Variants in PGBD1 observed in about 807,000 individuals in gnomAD.
PGBD1 encodes piggyBac transposable element derived 1.
Under a neutral mutation model 34.7 loss-of-function variants are expected in PGBD1, and 25 were observed. The ratio of observed to expected loss-of-function variants is 0.72; its 90% CI spans 0.52 to 1.00. The LOEUF (loss-of-function observed/expected upper bound fraction) is 1.00, where lower values mean the gene tolerates loss of function less well. Among genes scored for constraint, PGBD1 ranks in the 50% least tolerant of loss-of-function variants. The pLI is 0.00. For missense variants in PGBD1, 830 were observed against 959.4 expected, an observed-to-expected ratio of 0.87 and a Z score of 1.78; for synonymous variants, 292 against 335.7, an observed-to-expected ratio of 0.87 and a Z score of 1.42.
rs1762791667 is a variant in PGBD1 at position 28,300,478 on chromosome 6, C to T, written c.870-246C>T. On this transcript the variant is annotated intron_variant, in intron 6 of 6. Transcript: ENST00000682144. The surrounding 1 kb of genome is among the most constrained non-coding windows in gnomAD (Gnocchi z 4.0). ...AAAGAGGACAGAGGGAGGAGTGTACCAAGGATACTCAGTTATTTCTCCCAG... is the reference window on the plus strand; with the variant it reads ...AAAGAGGACAGAGGGAGGAGTGTACTAAGGATACTCAGTTATTTCTCCCAG... Among the ~76,000 whole-genome samples the T allele has an allele frequency of 6.6e-6, 1 of 152,090 alleles. No homozygotes were observed. The highest frequency in any genetic ancestry group is 1.5e-5 in the Non-Finnish European group (1 of 68,016).
chr6:28,298,703 A>G (rs1320015097), intron 6 of PGBD1, among the ~76,000 whole-genome samples: 2 of 152,138 alleles, frequency 1.3e-5, no homozygotes, highest in Non-Finnish European at 2.9e-5. Flanking sequence ...TGTGTGCTTC[A>G]TAAGTGCTGG....
Position 28,302,014 on chromosome 6 carries a change from C to T in PGBD1, c.2160C>T (p.Ile720=), listed in dbSNP as rs199791488. ...GTTGTGATGCTGATAACGAAGAAAT[C>T]CCTCAGATAAGTCAACCATCCATAG... The part of the protein sequence containing the change: ...VSCCDADNEE[I]PQISQPSIVK... The change falls in exon 7 of 7, where the codon ATC becomes ATT. Residue 720 remains isoleucine, a synonymous_variant. Coordinates refer to ENST00000682144, the MANE Select transcript of PGBD1 (RefSeq NM_032507.4). 1.2e-6 allele frequency: 2 copies of T among 1,614,040 alleles called. No individual in the cohort carries two copies. The highest frequency in any genetic ancestry group is 1.7e-6 in the Non-Finnish European group (2 of 1,180,000).
rs756584844 is a variant in PGBD1 at position 28,300,795 on chromosome 6, T to C, written c.941T>C (p.Leu314Pro). ...TERTVAHLNT[L>P]KDRHPGDLWA... Reference sequence around the variant, plus strand: ...AGGACAGTTGCACATTTGAACACTCTGAAGGACCGTCACCCAGGTGATTTG... The same window carrying C: ...AGGACAGTTGCACATTTGAACACTCCGAAGGACCGTCACCCAGGTGATTTG... Residue 314 changes from leucine to proline, a missense_variant, in exon 7 of 7, where the codon CTG becomes CCG. Transcript: ENST00000682144. The surrounding 1 kb of genome is among the most constrained non-coding windows in gnomAD (Gnocchi z 4.0). 7 of 1,614,048 alleles carry C rather than the reference T, an allele frequency of 4.3e-6. No homozygotes were observed. The African/African-American group carries it at 6.7e-5, about 15-fold the overall frequency.
chr6:28,301,965 T>A lies in PGBD1; in HGVS notation c.2111T>A (p.Ile704Lys). The A allele has an allele frequency of 6.2e-7, 1 of 1,614,194 alleles. No individual in the cohort carries two copies. The highest frequency in any genetic ancestry group is 8.5e-7 in the Non-Finnish European group (1 of 1,180,020). The change falls in exon 7 of 7, where the codon ATA becomes AAA. Residue 704 changes from isoleucine to lysine, a missense_variant. By Grantham distance (102) the Ile-to-Lys change is moderately radical (BLOSUM62 -3). This residue lies in a region of PGBD1 where 372 missense variants were observed against 427.9 expected (regional missense o/e 0.87). Transcript: ENST00000682144. ...AGTCTGTGCTCCAATGCTGTGGGCA[T>A]AGAACCAGTCAATGAGGTAAGCTGT... ...IISLCSNAVG[I>K]EPVNEVSCCD... is the part of the protein sequence containing the mutation.
intron 4 of PGBD1, among the ~76,000 whole-genome samples, chr6:28,288,888 TGAGGCAG>T (rs1185006228): frequency 4.6e-5 from 7 of 151,906 alleles, no homozygotes; most frequent in Admixed American, 6.6e-5. Flanking sequence ...CTCGGGAGGC[TGAGGCAG>T]GAGAATCGCT....
intron 2 of PGBD1, among the ~76,000 whole-genome samples, chr6:28,284,731 G>A (rs941189514): frequency 2.6e-5 from 4 of 152,054 alleles, no homozygotes; most frequent in Admixed American, 6.6e-5. Flanking sequence ...ATATTGCCCA[G>A]GCTGATCTTG....
chr6:28,285,465 G>C, intron 2 of PGBD1, 86 bp from the exon 3 acceptor site: 1 of 1,377,108 alleles, frequency 7.3e-7, no homozygotes, highest in Non-Finnish European at 9.8e-7. Flanking sequence ...GTTTGCTGCT[G>C]TATCCCCAGC....
rs774608435 is a variant in PGBD1, at chr6:28,302,063, G to A, written c.2209G>A (p.Glu737Lys). 2.2e-5 allele frequency: 35 copies of A among 1,614,006 alleles called. No homozygotes were observed. Among genetic ancestry groups the A allele is most frequent in the Middle Eastern group, 1.6e-4 (1 of 6,084 alleles). ...AGTAAAAGTGTATGATGAATGCAAG[G>A]AAGGTGTAGCTAAAATGGATCAAAT... ...SIVKVYDECKEGVAKMDQIIS... is the reference protein window; with the variant it reads ...SIVKVYDECKKGVAKMDQIIS... The change falls in exon 7 of 7, where the codon GAA becomes AAA. Residue 737 changes from glutamate (E) to lysine (K), a missense_variant. Physicochemically the swap from Glu to Lys is moderately conservative, Grantham distance 56. This residue lies in a region of PGBD1 where 372 missense variants were observed against 427.9 expected (regional missense o/e 0.87). Coordinates refer to ENST00000682144, the MANE Select transcript of PGBD1 (RefSeq NM_032507.4).
intron 1 of PGBD1, among the ~76,000 whole-genome samples, chr6:28,283,305 C>G (rs1296759979): frequency 1.3e-5 from 2 of 152,188 alleles, no homozygotes; most frequent in African/African-American, 4.8e-5. Context: ...GAGACTCCAC[C>G]CCTTGAATGA....
intron 4 of PGBD1, 95 bp from the exon 5 acceptor site, chr6:28,296,721 A>G: frequency 7.2e-7 from 1 of 1,396,526 alleles, no homozygotes; most frequent in Non-Finnish European, 9.8e-7. Context: ...AGGGGCTGGG[A>G]CTACCGGTCT....
chr6:28,284,428 C>A (rs539100271), intron 2 of PGBD1, among the ~76,000 whole-genome samples: 2 of 152,160 alleles, frequency 1.3e-5, no homozygotes, highest in South Asian at 4.2e-4. Context: ...GCATTCCCCC[C>A]CCCCAAGATG....
chr6:28,285,134 C>A (rs945142755), intron 2 of PGBD1, among the ~76,000 whole-genome samples: 12 of 151,976 alleles, frequency 7.9e-5, no homozygotes, highest in African/African-American at 2.2e-4. Context: ...TTGAGTTTGT[C>A]CTATATTTTC....
chr6:28,285,673 A>G lies in PGBD1; in HGVS notation c.519A>G (p.Pro173=). The change falls in exon 3 of 7, where the codon CCA becomes CCG. Residue 173 remains proline (P), a synonymous_variant. Coordinates refer to ENST00000682144, the MANE Select transcript of PGBD1 (RefSeq NM_032507.4). The part of the protein sequence containing the change: ...PGITTLKCEP[P]QRPQGNPQEV... Reference sequence around the variant, plus strand: ...TAACCACCCTGAAGTGTGAACCTCCACAGCGTCCTCAAGGGAACCCCCAAG... The same window carrying G: ...TAACCACCCTGAAGTGTGAACCTCCGCAGCGTCCTCAAGGGAACCCCCAAG... 1 of 1,613,994 alleles carries G rather than the reference A, an allele frequency of 6.2e-7. No homozygotes were observed. Among genetic ancestry groups the G allele is most frequent in the Non-Finnish European group, 8.5e-7 (1 of 1,179,998 alleles).
At position 28,281,595 on chromosome 6, in the gene PGBD1, G is replaced by C. The variant is rs1027044216; in HGVS notation, c.-362G>C. On this transcript the variant is annotated 5_prime_UTR_variant, in exon 1 of 7. Transcript: ENST00000682144. ...TTGTACCCGCCCAGCTGCTGGAGGC[G>C]CCGGCAGCGCCCGCCAGACCCGCCA... 1 of 385,132 alleles carries C rather than the reference G, an allele frequency of 2.6e-6. No homozygotes were observed. Among genetic ancestry groups the C allele is most frequent in the Non-Finnish European group, 4.6e-6 (1 of 218,178 alleles). The allele number at this position is 385,132 out of a possible 1,614,324, so 23.9% of individuals were successfully genotyped here.
At chr6:28,283,204 A>C (rs1216037201) in intron 1 of PGBD1, among the ~76,000 whole-genome samples, 1 of 152,242 alleles carries the variant, frequency 6.6e-6, no homozygotes, top group East Asian at 1.9e-4. Flanking sequence ...GCCAAGAGCT[A>C]CAGCAGCACT....
chr6:28,284,610 G>C (rs545906801), intron 2 of PGBD1, among the ~76,000 whole-genome samples: 1 of 152,162 alleles, frequency 6.6e-6, no homozygotes. Flanking sequence ...ATGGTGGAAG[G>C]CTCAAGCAAT....
At chr6:28,292,479 A>G (rs1484342107) in intron 4 of PGBD1, among the ~76,000 whole-genome samples, 1 of 152,076 alleles carries the variant, frequency 6.6e-6, no homozygotes, top group Non-Finnish European at 1.5e-5. Context: ...TAATTACTAA[A>G]GAAGTGAAAG....
chr6:28,297,412 T>G (rs1253054731), intron 5 of PGBD1, among the ~76,000 whole-genome samples: 1 of 152,218 alleles, frequency 6.6e-6, no homozygotes, highest in Non-Finnish European at 1.5e-5. Context: ...GGTCTCGCTT[T>G]GTTGCCCATG....
chr6:28,300,734 C>T lies in PGBD1; in HGVS notation c.880C>T (p.Pro294Ser). The T allele has an allele frequency of 1.2e-6, 2 of 1,610,304 alleles. No individual in the cohort carries two copies. The highest frequency in any genetic ancestry group is 2.2e-5 in the South Asian group (2 of 90,390). ...ASGKPNRECA[P>S]QIPCSTPIAT... ...TTTTTTCTTTCCCAGAGAGTGTGCA[C>T]CCCAGATTCCTTGTAGTACTCCTAT... Residue 294 changes from proline (P) to serine (S), a missense_variant, in exon 7 of 7, where the codon CCC (proline) becomes TCC (serine). Pro to Ser is a moderately conservative substitution (Grantham distance 74). This residue lies in a region of PGBD1 where 457 missense variants were observed against 515.4 expected (regional missense o/e 0.89). Transcript: ENST00000682144. The surrounding 1 kb of genome is among the most constrained non-coding windows in gnomAD (Gnocchi z 4.0).
Sources: gnomAD v4.1 joint callset for allele counts (sites outside exome capture counted in the v4.1 genomes callset) on GRCh38, gnomAD v4.1.1 for gene constraint, gnomAD v4.1.1 regional missense constraint, Gnocchi (gnomAD v3.1) non-coding constraint, MANE v1.5 for transcripts, NCBI Gene and HGNC (gene_info 2026-07-23, HGNC 2026-07-21) for gene names.